Variants in BICDL1 observed in about 807,000 individuals in gnomAD.
BICDL1 encodes BICD family-like cargo adapter 1.
Under a neutral mutation model 76.8 loss-of-function variants are expected in BICDL1, and 20 were observed. That is an observed-to-expected ratio of 0.26 (90% CI 0.18 to 0.38). BICDL1 has a LOEUF of 0.38. Ranked by LOEUF, BICDL1 falls within the 10% of genes least tolerant of loss-of-function variation. The probability of loss-of-function intolerance (pLI) is 1.00; values close to 1 mark genes in which losing one functional copy is unlikely to be tolerated. For synonymous variants in BICDL1, 383 were observed against 337.1 expected (o/e 1.14, Z -1.49); for missense variants, 700 against 798.6 (o/e 0.88, Z 1.49).
In BICDL1 at chr12:120,021,772, G is replaced by A. The variant is rs564494004; in HGVS notation, c.645+23036G>A. The stretch of plus-strand genomic sequence containing the variant: ...ATACTAAAATTAGCTGGGCGTGGTG[G>A]CGCATGCCTGTAATCCCAGCTACTC... On this transcript the variant is annotated intron_variant, in intron 2 of 9. Coordinates refer to ENST00000548673, the MANE Select transcript of BICDL1 (RefSeq NM_001367886.1). 1.4e-3 allele frequency among the ~76,000 whole-genome samples: 206 copies of A among 151,216 alleles called. 1 individual carries two copies. The highest frequency in any genetic ancestry group is 4.6e-3 in the African/African-American group (190 of 41,306).
chr12:120,084,001 C>CTT (rs919909209), intron 8 of BICDL1, among the ~76,000 whole-genome samples: 14 of 146,482 alleles, frequency 9.6e-5, no homozygotes, highest in Admixed American at 2.7e-4. Flanking sequence ...CACTTTTATT[C>CTT]TTTTTTTTTT....
At chr12:120,041,599 T>C (rs996148985) in intron 2 of BICDL1, among the ~76,000 whole-genome samples, 2 of 151,582 alleles carry the variant, frequency 1.3e-5, no homozygotes, top group African/African-American at 4.9e-5. Context: ...CAGAGAAAAA[T>C]TAAACAGAGG....
At chr12:120,057,125 A>G (rs1197280290) in intron 2 of BICDL1, 2 of 520,738 alleles carry the variant, frequency 3.8e-6, no homozygotes, top group Admixed American at 3.9e-5. Context: ...AGAGGACATT[A>G]TCATGGATGA....
chr12:120,089,995 T>C lies in BICDL1; in HGVS notation c.1628T>C (p.Met543Thr), dbSNP rs1874825640. Residue 543 changes from methionine (M) to threonine (T), a missense_variant, in exon 9 of 10, where the codon ATG becomes ACG. Transcript: ENST00000548673. Reference protein sequence around the residue: ...ELELAKCRMDMMSLNSQLLDA... With the variant: ...ELELAKCRMDTMSLNSQLLDA... ...GAACTTGCCAAGTGCAGGATGGATA[T>C]GATGTCTCTGAACAGCCAGTTGCTG... 1.2e-6 allele frequency: 2 copies of C among 1,614,208 alleles called. No homozygotes were observed. Among genetic ancestry groups the C allele is most frequent in the African/African-American group, 1.3e-5 (1 of 75,038 alleles).
chr12:120,022,637 C>T (rs1174505944), intron 2 of BICDL1, among the ~76,000 whole-genome samples: 1 of 151,808 alleles, frequency 6.6e-6, no homozygotes, highest in Non-Finnish European at 1.5e-5. Context: ...GGTTTACTTT[C>T]CCACTTATAA....
chr12:120,038,995 T>A (rs144647345), intron 2 of BICDL1, among the ~76,000 whole-genome samples: 132 of 152,242 alleles, frequency 8.7e-4, no homozygotes, highest in African/African-American at 3.1e-3. Context: ...TTTAAAAATA[T>A]GAATTAGAAG....
At chr12:120,070,426 C>A (rs933651026) in intron 4 of BICDL1, among the ~76,000 whole-genome samples, 6 of 152,186 alleles carry the variant, frequency 3.9e-5, no homozygotes, top group African/African-American at 1.4e-4. Flanking sequence ...CCAATCCCTG[C>A]CCAGTGCTGC....
intron 2 of BICDL1, among the ~76,000 whole-genome samples, chr12:120,021,985 A>G (rs1952194344): frequency 6.7e-6 from 1 of 150,348 alleles, no homozygotes. Flanking sequence ...AAATAAAAAT[A>G]TCATAGTAAA....
chr12:120,004,807 A>C (rs1246469095), intron 2 of BICDL1, among the ~76,000 whole-genome samples: 1 of 152,026 alleles, frequency 6.6e-6, no homozygotes, highest in Non-Finnish European at 1.5e-5. Context: ...CCTAAGTTTA[A>C]GTTTTATAGA....
chr12:120,083,655 A>G (rs898535363), intron 8 of BICDL1, among the ~76,000 whole-genome samples: 1 of 150,702 alleles, frequency 6.6e-6, no homozygotes, highest in Admixed American at 6.6e-5. Flanking sequence ...TTATTTATTT[A>G]TTTATTTATT....
chr12:119,997,767 A>C (rs1457557364), intron 1 of BICDL1, among the ~76,000 whole-genome samples: 1 of 152,030 alleles, frequency 6.6e-6, no homozygotes, highest in Middle Eastern at 3.2e-3. Context: ...TGATAGTAAG[A>C]ATCTGGTATT....
At chr12:120,047,217 A>C (rs1952766564) in intron 2 of BICDL1, among the ~76,000 whole-genome samples, 1 of 152,096 alleles carries the variant, frequency 6.6e-6, no homozygotes. Flanking sequence ...GAAAGCATTG[A>C]CTTTATCAGG....
intron 2 of BICDL1, among the ~76,000 whole-genome samples, chr12:120,007,065 G>T (rs762330734): frequency 6.6e-6 from 1 of 152,060 alleles, no homozygotes; most frequent in South Asian, 2.1e-4. Flanking sequence ...ATAAATGGTT[G>T]TGGGAAGGAA....
At chr12:120,075,403 T>A (rs79992641) in intron 7 of BICDL1, among the ~76,000 whole-genome samples, 12 of 151,788 alleles carry the variant, frequency 7.9e-5, no homozygotes, top group South Asian at 2.1e-4. Context: ...TTTTTTTTTT[T>A]ATTTCTTTTT....
rs983429767 is a variant in BICDL1, at chr12:120,071,173, C to T, written c.910-449C>T. Among the ~76,000 whole-genome samples the T allele has an allele frequency of 5.3e-5, 8 of 150,318 alleles. No homozygotes were observed. The highest frequency in any genetic ancestry group is 2.1e-4 in the South Asian group (1 of 4,720). On this transcript the variant is annotated intron_variant, in intron 4 of 9. Coordinates refer to ENST00000548673, the MANE Select transcript of BICDL1 (RefSeq NM_001367886.1). This position sits in a 1 kb window ranked among gnomAD's most constrained non-coding sequence, Gnocchi z 4.8. ...TTTTTTCTTTTTTGAGGTGGCGTCT[C>T]GCACTGTCACCCAGGTTGGAGTGCA...
rs897498383 is a variant in BICDL1 at position 120,093,949 on chromosome 12, T to TCCTCCTCCCACAGCCC, written c.*802_*803insCCCCTCCTCCCACAGC. ...CTCAGGGCTGGGGTTGGACGGGGTCTCCTCCTCCCACAGCTCCCTCCTCCA... is the reference window on the plus strand; with the variant it reads ...CTCAGGGCTGGGGTTGGACGGGGTCTCCTCCTCCCACAGCCCCCTCCTCCCACAGCTCCCTCCTCCA... On this transcript the variant is annotated 3_prime_UTR_variant, in exon 10 of 10. Transcript: ENST00000548673. 3.1e-6 allele frequency: 1 copy of TCCTCCTCCCACAGCCC among 323,520 alleles called. No individual in the cohort carries two copies. Among genetic ancestry groups the TCCTCCTCCCACAGCCC allele is most frequent in the African/African-American group, 2.2e-5 (1 of 46,164 alleles). The allele number at this position is 323,520 out of a possible 1,614,324, so 20.0% of individuals were successfully genotyped here.
intron 2 of BICDL1, chr12:120,057,107 G>A (rs1952991175): frequency 3.8e-6 from 2 of 522,348 alleles, no homozygotes; most frequent in South Asian, 2.8e-5. Context: ...TGCTGTGGTT[G>A]TATATTTAGA....
chr12:120,031,295 C>T (rs1952418482), intron 2 of BICDL1, among the ~76,000 whole-genome samples: 1 of 151,290 alleles, frequency 6.6e-6, no homozygotes, highest in Admixed American at 6.6e-5. Context: ...GCTCCGCCTC[C>T]TGGGTTCACG....
intron 4 of BICDL1, among the ~76,000 whole-genome samples, chr12:120,067,878 G>C (rs1274156662): frequency 6.6e-6 from 1 of 152,130 alleles, no homozygotes; most frequent in African/African-American, 2.4e-5. Context: ...TTCTTTCTGA[G>C]TCTCCTCAAA....
Sources: gnomAD v4.1 joint callset for allele counts (sites outside exome capture counted in the v4.1 genomes callset) on GRCh38, gnomAD v4.1.1 for gene constraint, Gnocchi (gnomAD v3.1) non-coding constraint, MANE v1.5 for transcripts, NCBI Gene and HGNC (gene_info 2026-07-23, HGNC 2026-07-21) for gene names.